The following ESRRB variants were observed in gnomAD, a reference collection of about 807,000 sequenced individuals.
ESRRB encodes the protein estrogen related receptor beta, also known as steroid hormone receptor ERR2.
ESRRB carries 16 observed loss-of-function variants against 46.0 expected under a neutral mutation model. The observed-to-expected ratio is 0.35, with a 90% CI of 0.24 to 0.53. The LOEUF is 0.53. ESRRB is among the 20% of genes least tolerant of loss of function. ESRRB has a pLI of 0.93. For missense variants in ESRRB, 488 were observed against 607.4 expected (o/e 0.80, Z 2.07); for synonymous variants, 246 against 259.6 (o/e 0.95, Z 0.50).
intron 2 of ESRRB, among the ~76,000 whole-genome samples, chr14:76,457,927 G>T (rs982734043): frequency 2.0e-5 from 3 of 151,990 alleles, no homozygotes; most frequent in Admixed American, 6.6e-5. Context: ...CTACTGCCTC[G>T]GCCACCCAAA....
intron 1 of ESRRB, among the ~76,000 whole-genome samples, chr14:76,395,201 G>A (rs923609879): frequency 2.0e-5 from 3 of 152,140 alleles, no homozygotes; most frequent in African/African-American, 7.2e-5. Flanking sequence ...TGGTCTTCCC[G>A]GGGCCTCATT....
At chr14:76,461,598 TC>T (rs1269730969) in intron 2 of ESRRB, among the ~76,000 whole-genome samples, 2 of 151,684 alleles carry the variant, frequency 1.3e-5, no homozygotes, top group Non-Finnish European at 2.9e-5. Context: ...AACCTCTACC[TC>T]CCGGGTTCAA....
At chr14:76,344,760 G>A (rs11627057) in intron 1 of ESRRB, among the ~76,000 whole-genome samples, 5 of 151,770 alleles carry the variant, frequency 3.3e-5, no homozygotes, top group Non-Finnish European at 7.4e-5. Flanking sequence ...GCTGAGGCAG[G>A]AGAATGGTGT....
At chr14:76,336,030 A>T (rs1466785559) in intron 1 of ESRRB, among the ~76,000 whole-genome samples, 2 of 152,218 alleles carry the variant, frequency 1.3e-5, no homozygotes, top group Non-Finnish European at 2.9e-5. Flanking sequence ...CAGAGCTGGG[A>T]TATAAACCCA....
chr14:76,474,968 C>T (rs1889518929), intron 3 of ESRRB, among the ~76,000 whole-genome samples: 1 of 151,516 alleles, frequency 6.6e-6, no homozygotes, highest in South Asian at 2.1e-4. Flanking sequence ...GTGGTTCATA[C>T]CTGTAATCCC....
At chr14:76,473,731 A>C (rs939546547) in intron 3 of ESRRB, among the ~76,000 whole-genome samples, 1 of 152,276 alleles carries the variant, frequency 6.6e-6, no homozygotes, top group Non-Finnish European at 1.5e-5. Flanking sequence ...TTTTACTTCC[A>C]TTAAGAAAAA....
chr14:76,330,243 AG>A (rs1883996669), intron 1 of ESRRB, among the ~76,000 whole-genome samples: 1 of 152,148 alleles, frequency 6.6e-6, no homozygotes, highest in African/African-American at 2.4e-5. Flanking sequence ...AATAAATCTT[AG>A]GGTCAGTGAT....
intron 1 of ESRRB, among the ~76,000 whole-genome samples, chr14:76,321,243 G>A (rs1883863231): frequency 6.6e-6 from 1 of 152,036 alleles, no homozygotes; most frequent in African/African-American, 2.4e-5. Flanking sequence ...CTTGATCTCA[G>A]GCCTTCCCTA....
At chr14:76,467,558 C>T (rs1161484429) in intron 3 of ESRRB, among the ~76,000 whole-genome samples, 2 of 151,212 alleles carry the variant, frequency 1.3e-5, no homozygotes, top group African/African-American at 4.9e-5. Flanking sequence ...CTCATTTACA[C>T]TCAGCTTTTC....
At chr14:76,406,923 C>T (rs900669780) in intron 1 of ESRRB, among the ~76,000 whole-genome samples, 7 of 152,198 alleles carry the variant, frequency 4.6e-5, no homozygotes, top group African/African-American at 1.4e-4. Flanking sequence ...TGTCTTGATC[C>T]GCCTCCTGCG....
intron 3 of ESRRB, among the ~76,000 whole-genome samples, chr14:76,465,503 G>A (rs1273814611): frequency 3.3e-5 from 5 of 152,190 alleles, no homozygotes; most frequent in Admixed American, 2.0e-4. Context: ...ACTGGCACTT[G>A]TCAGAGAAAC....
chr14:76,446,581 A>C (rs1435831490), intron 2 of ESRRB, among the ~76,000 whole-genome samples: 1 of 152,208 alleles, frequency 6.6e-6, no homozygotes, highest in Non-Finnish European at 1.5e-5. Context: ...CCCTGGAGGC[A>C]TAGAAAAAAC....
At position 76,439,494 on chromosome 14, in the gene ESRRB, G is replaced by A. The variant is rs61744548; in HGVS notation, c.204G>A (p.Leu68=). The part of the protein sequence containing the change: ...GSSDASGGFG[L]ALGTHANGLD... ...CCGACGCCAGCGGCGGCTTTGGCCT[G>A]GCCCTGGGCACCCACGCCAACGGTC... Residue 68 remains leucine (L), a synonymous_variant, in exon 2 of 7, where the codon CTG becomes CTA. Coordinates refer to ENST00000644823, the MANE Select transcript of ESRRB (RefSeq NM_001379180.1). 1.9e-6 allele frequency: 3 copies of A among 1,612,546 alleles called. No homozygotes were observed. In the East Asian group the frequency reaches 6.7e-5, roughly 36 times the overall value.
rs370953753 is a variant in ESRRB, at chr14:76,499,829, A to G, written c.*1371A>G. The stretch of plus-strand genomic sequence containing the variant: ...GGCCGTGAAAGTTTTCACTAACTCA[A>G]GGGGCAGCCCTGAACACCCATTTGT... On this transcript the variant is annotated 3_prime_UTR_variant, in exon 7 of 7. Coordinates refer to ENST00000644823, the MANE Select transcript of ESRRB (RefSeq NM_001379180.1). The G allele has an allele frequency of 2.4e-4, 384 of 1,583,210 alleles. No individual in the cohort carries two copies. The highest frequency in any genetic ancestry group is 3.2e-4 in the Non-Finnish European group (369 of 1,151,958).
At chr14:76,328,810 G>A (rs1883968590) in intron 1 of ESRRB, among the ~76,000 whole-genome samples, 1 of 152,150 alleles carries the variant, frequency 6.6e-6, no homozygotes, top group South Asian at 2.1e-4. Context: ...CCCGTCTGCA[G>A]TAGCCCCTGA....
intron 2 of ESRRB, among the ~76,000 whole-genome samples, chr14:76,453,629 G>A (rs571221762): frequency 8.8e-5 from 12 of 136,130 alleles, no homozygotes; most frequent in Non-Finnish European, 1.4e-4. Flanking sequence ...ACTGGGTCTC[G>A]CTCTGTCACC....
At chr14:76,464,259 GGA>G (rs1398455055) in intron 3 of ESRRB, among the ~76,000 whole-genome samples, 3 of 152,176 alleles carry the variant, frequency 2.0e-5, no homozygotes, top group African/African-American at 4.8e-5. Flanking sequence ...GGGAAGGCTA[GGA>G]GTGGGCTTCT....
At chr14:76,341,098 C>T (rs918460574) in intron 1 of ESRRB, among the ~76,000 whole-genome samples, 4 of 152,182 alleles carry the variant, frequency 2.6e-5, no homozygotes, top group Non-Finnish European at 5.9e-5. Context: ...TCTGTGTGCT[C>T]CAGCCTCCTG....
chr14:76,498,386 C>T lies in ESRRB; in HGVS notation c.1293C>T (p.Phe431=), dbSNP rs1890518636. The T allele has an allele frequency of 1.2e-6, 2 of 1,613,478 alleles. No homozygotes were observed. Among genetic ancestry groups the T allele is most frequent in the Non-Finnish European group, 1.7e-6 (2 of 1,179,914 alleles). The change falls in exon 7 of 7, where the codon TTC becomes TTT. Residue 431 remains phenylalanine (F), a synonymous_variant. Coordinates refer to ENST00000644823, the MANE Select transcript of ESRRB (RefSeq NM_001379180.1). The stretch of plus-strand genomic sequence containing the variant: ...CGGCCGCCAAGGCCGTGCAGCACTT[C>T]TATAGCGTCAAACTGCAGGGCAAAG... ...RQTAAKAVQH[F]YSVKLQGKVP...
Sources: gnomAD v4.1 joint callset for allele counts (sites outside exome capture counted in the v4.1 genomes callset) on GRCh38, gnomAD v4.1.1 for gene constraint, MANE v1.5 for transcripts, NCBI Gene and HGNC (gene_info 2026-07-23, HGNC 2026-07-21) for gene names.